The following ST6GALNAC3 variants were observed in gnomAD, a reference collection of about 807,000 sequenced individuals.
The protein encoded by ST6GALNAC3 is ST6 N-acetylgalactosaminide alpha-2,6-sialyltransferase 3.
ST6GALNAC3 carries 25 observed loss-of-function variants against 32.7 expected under a neutral mutation model. The observed-to-expected ratio is 0.76, with a 90% CI of 0.56 to 1.07. The LOEUF (loss-of-function observed/expected upper bound fraction) is 1.07, where lower values mean the gene tolerates loss of function less well. Among genes scored for constraint, ST6GALNAC3 ranks in the 50% least tolerant of loss-of-function variants. The pLI is 0.00. For missense variants in ST6GALNAC3, 355 were observed against 382.4 expected (o/e 0.93, Z 0.60); for synonymous variants, 129 against 133.1 (o/e 0.97, Z 0.21).
At chr1:76,609,603 GA>G (rs1348018549) in intron 3 of ST6GALNAC3, among the ~76,000 whole-genome samples, 1 of 152,010 alleles carries the variant, frequency 6.6e-6, no homozygotes, top group African/African-American at 2.4e-5. Flanking sequence ...GCTGGTCCAT[GA>G]AAAAAATTGG....
intron 3 of ST6GALNAC3, among the ~76,000 whole-genome samples, chr1:76,567,222 A>T (rs999826314): frequency 6.6e-6 from 1 of 152,194 alleles, no homozygotes; most frequent in Non-Finnish European, 1.5e-5. Context: ...CTTGGTTTTG[A>T]TGTTGCACGG....
At chr1:76,610,122 A>G (rs961191671) in intron 3 of ST6GALNAC3, among the ~76,000 whole-genome samples, 1 of 152,070 alleles carries the variant, frequency 6.6e-6, no homozygotes, top group Admixed American at 6.6e-5. Context: ...TGGGCTCTGG[A>G]ACAATTTATG....
intron 1 of ST6GALNAC3, among the ~76,000 whole-genome samples, chr1:76,291,435 G>C (rs1014815068): frequency 6.6e-6 from 1 of 152,194 alleles, no homozygotes; most frequent in Non-Finnish European, 1.5e-5. Context: ...CGCTGCCCCA[G>C]CCCAGCCGGG....
intron 2 of ST6GALNAC3, among the ~76,000 whole-genome samples, chr1:76,366,298 C>G (rs575725973): frequency 6.6e-6 from 1 of 152,220 alleles, no homozygotes; most frequent in South Asian, 2.1e-4. Flanking sequence ...TGACAGACTC[C>G]TGCAAAATTC....
intron 2 of ST6GALNAC3, among the ~76,000 whole-genome samples, chr1:76,361,279 AT>A (rs1649912093): frequency 6.6e-6 from 1 of 151,996 alleles, no homozygotes. Context: ...TTCTGTTTTT[AT>A]GAAATTGACT....
chr1:76,170,437 T>A (rs890989452), intron 1 of ST6GALNAC3, among the ~76,000 whole-genome samples: 1 of 152,204 alleles, frequency 6.6e-6, no homozygotes, highest in Non-Finnish European at 1.5e-5. Context: ...CAGGAGTGAT[T>A]GGTCAGCATG....
At chr1:76,514,612 C>G (rs947712050) in intron 3 of ST6GALNAC3, among the ~76,000 whole-genome samples, 2 of 152,124 alleles carry the variant, frequency 1.3e-5, no homozygotes, top group Non-Finnish European at 2.9e-5. Flanking sequence ...TCAGGATTCC[C>G]TCTCTTTACA....
chr1:76,206,601 G>A (rs1654838018), intron 1 of ST6GALNAC3, among the ~76,000 whole-genome samples: 1 of 152,078 alleles, frequency 6.6e-6, no homozygotes, highest in Admixed American at 6.5e-5. Flanking sequence ...GGTGGCGGGT[G>A]CCTGTAGTCC....
intron 3 of ST6GALNAC3, among the ~76,000 whole-genome samples, chr1:76,586,172 C>T (rs1570370402): frequency 1.3e-5 from 2 of 152,162 alleles, no homozygotes; most frequent in Admixed American, 6.5e-5. Context: ...ATGTGCATTG[C>T]ATTTTGCTCA....
chr1:76,372,538 C>G (rs1027075125), intron 2 of ST6GALNAC3, among the ~76,000 whole-genome samples: 1 of 152,082 alleles, frequency 6.6e-6, no homozygotes, highest in Non-Finnish European at 1.5e-5. Flanking sequence ...AATGACACCA[C>G]TGTCCTATCT....
rs552401831 is a variant in ST6GALNAC3, at chr1:76,089,286, C to T, written c.18+14402C>T. ...CAGGATGATCTCAATCTCCTGACCT[C>T]GTGATCTGCCCGCCTTGGCCTCCCA... On this transcript the variant is annotated intron_variant, in intron 1 of 4. Transcript: ENST00000328299. 2.6e-3 allele frequency among the ~76,000 whole-genome samples: 390 copies of T among 152,184 alleles called. 2 individuals carry two copies. The highest frequency in any genetic ancestry group is 8.9e-3 in the African/African-American group (368 of 41,544).
At position 76,309,320 on chromosome 1, in the gene ST6GALNAC3, G is replaced by A. The variant is rs188255651; in HGVS notation, c.19-4485G>A. ...TACACAGAGTATGGACTCAATGAGCGATTGTGGCTTGAAGATGTAAATTCT... is the reference window on the plus strand; with the variant it reads ...TACACAGAGTATGGACTCAATGAGCAATTGTGGCTTGAAGATGTAAATTCT... On this transcript the variant is annotated intron_variant, in intron 1 of 4. Coordinates refer to ENST00000328299, the MANE Select transcript of ST6GALNAC3 (RefSeq NM_152996.4). 6.6e-5 allele frequency among the ~76,000 whole-genome samples: 10 copies of A among 152,234 alleles called. No homozygotes were observed. The East Asian group carries it at 1.2e-3, about 18-fold the overall frequency.
chr1:76,496,746 A>C (rs529709001), intron 3 of ST6GALNAC3, among the ~76,000 whole-genome samples: 38 of 152,338 alleles, frequency 2.5e-4, no homozygotes, highest in African/African-American at 9.1e-4. Context: ...ATAATGAGCC[A>C]AAACTAATTG....
chr1:76,505,128 C>CTT (rs764191036), intron 3 of ST6GALNAC3, among the ~76,000 whole-genome samples: 6 of 143,524 alleles, frequency 4.2e-5, no homozygotes, highest in African/African-American at 1.5e-4. Context: ...GAAGCCAAAG[C>CTT]TTTTTTTTTT....
chr1:76,575,355 A>C (rs1297427044), intron 3 of ST6GALNAC3, among the ~76,000 whole-genome samples: 1 of 152,090 alleles, frequency 6.6e-6, no homozygotes, highest in Non-Finnish European at 1.5e-5. Context: ...CAGTCAAAAG[A>C]GAACAGGTTT....
chr1:76,413,465 C>T (rs1179997888), intron 3 of ST6GALNAC3, among the ~76,000 whole-genome samples: 3 of 152,076 alleles, frequency 2.0e-5, no homozygotes. Context: ...ATTATCAAAT[C>T]TAAGCTTTTA....
At chr1:76,299,098 T>G (rs1238884530) in intron 1 of ST6GALNAC3, among the ~76,000 whole-genome samples, 1 of 152,068 alleles carries the variant, frequency 6.6e-6, no homozygotes, top group Non-Finnish European at 1.5e-5. Flanking sequence ...GCCACCTTCA[T>G]GCTTTGAAAA....
chr1:76,140,797 A>ATTTTT (rs3042284), intron 1 of ST6GALNAC3, among the ~76,000 whole-genome samples: 1 of 120,412 alleles, frequency 8.3e-6, no homozygotes, highest in Non-Finnish European at 1.7e-5. Context: ...TAATTTTCTA[A>ATTTTT]TTTTTTTTTT....
At chr1:76,512,884 G>T (rs1363044197) in intron 3 of ST6GALNAC3, among the ~76,000 whole-genome samples, 1 of 151,988 alleles carries the variant, frequency 6.6e-6, no homozygotes, top group Non-Finnish European at 1.5e-5. Flanking sequence ...GTTTTGATTT[G>T]CATTTCCCTG....
Sources: gnomAD v4.1 joint callset for allele counts (sites outside exome capture counted in the v4.1 genomes callset) on GRCh38, gnomAD v4.1.1 for gene constraint, MANE v1.5 for transcripts, NCBI Gene and HGNC (gene_info 2026-07-23, HGNC 2026-07-21) for gene names.